Variants in RGS22 observed in about 807,000 individuals in gnomAD.
RGS22 encodes the protein regulator of G protein signaling 22, also known as regulator of G-protein signaling 22.
Under a neutral mutation model 172.9 loss-of-function variants are expected in RGS22, and 148 were observed. The ratio of observed to expected loss-of-function variants is 0.86; its 90% CI spans 0.75 to 0.98. RGS22 has a LOEUF of 0.98. Ranked by LOEUF, RGS22 falls within the 50% of genes least tolerant of loss-of-function variation. The pLI is 0.00. For missense variants in RGS22, 1,347 were observed against 1,440.8 expected, an observed-to-expected ratio of 0.93 and a Z score of 1.05; for synonymous variants, 458 against 480.2, an observed-to-expected ratio of 0.95 and a Z score of 0.60.
At chr8:100,041,946 T>C in intron 11 of RGS22, 30 bp from the exon 12 acceptor site, 1 of 1,425,046 alleles carries the variant, frequency 7.0e-7, no homozygotes, top group East Asian at 2.3e-5. Context: ...ACTAAAATTA[T>C]AAGAATGAGA....
chr8:100,098,985 G>T (rs1813254084), intron 2 of RGS22, among the ~76,000 whole-genome samples: 1 of 150,790 alleles, frequency 6.6e-6, no homozygotes, highest in Non-Finnish European at 1.5e-5. Context: ...GCAAAATCTT[G>T]GCTCACTGCA....
At chr8:99,965,883 T>C (rs1810677888) in intron 23 of RGS22, among the ~76,000 whole-genome samples, 2 of 152,200 alleles carry the variant, frequency 1.3e-5, no homozygotes, top group Admixed American at 1.3e-4. Flanking sequence ...TGAATAAATA[T>C]AAAGCTGGAA....
At chr8:100,039,511 G>C (rs933798758) in intron 13 of RGS22, among the ~76,000 whole-genome samples, 5 of 151,734 alleles carry the variant, frequency 3.3e-5, no homozygotes, top group African/African-American at 1.2e-4. Context: ...CGAGTAGCTG[G>C]GATTACAGGC....
At chr8:100,082,174 T>C (rs187777878) in intron 3 of RGS22, among the ~76,000 whole-genome samples, 93 of 152,364 alleles carry the variant, frequency 6.1e-4, no homozygotes, top group Admixed American at 3.5e-3. Flanking sequence ...GACTATTTAC[T>C]GAATGTCTAT....
At chr8:100,011,584 A>T (rs963905688) in intron 14 of RGS22, among the ~76,000 whole-genome samples, 5 of 152,200 alleles carry the variant, frequency 3.3e-5, no homozygotes, top group African/African-American at 9.7e-5. Flanking sequence ...TGATGAGGAG[A>T]CAAGGATTAT....
At chr8:100,003,355 C>T (rs1159653326) in intron 17 of RGS22, among the ~76,000 whole-genome samples, 3 of 151,640 alleles carry the variant, frequency 2.0e-5, no homozygotes, top group Non-Finnish European at 2.9e-5. Context: ...ATCCTCATTA[C>T]AATGAAGGGA....
chr8:100,105,730 C>G, intron 1 of RGS22, 167 bp downstream of exon 1: 1 of 589,930 alleles, frequency 1.7e-6, no homozygotes, highest in Non-Finnish European at 2.9e-6. Flanking sequence ...CCGGCGAGGA[C>G]GTGAAATTCG....
intron 26 of RGS22, 24 bp from the exon 27 acceptor site, chr8:99,962,467 G>T: frequency 6.2e-7 from 1 of 1,610,516 alleles, no homozygotes; most frequent in Non-Finnish European, 8.5e-7. Context: ...GAAGTTTTAT[G>T]TATATATTTA....
chr8:100,077,083 T>G lies in RGS22; in HGVS notation c.339+3051A>C, dbSNP rs149349082. ...GTAAAATTCTCTTATTTTTTTTAAC[T>G]GCCTGTAAAATTTGTAATGACATCC... On this transcript the variant is annotated intron_variant, in intron 4 of 27. Coordinates refer to ENST00000360863, the MANE Select transcript of RGS22 (RefSeq NM_015668.5). 5.2e-3 allele frequency among the ~76,000 whole-genome samples: 793 copies of G among 152,322 alleles called. 6 individuals are homozygous for G. Among genetic ancestry groups the G allele is most frequent in the African/African-American group, 0.017 (726 of 41,580 alleles).
intron 27 of RGS22, among the ~76,000 whole-genome samples, chr8:99,962,127 G>A (rs530665669): frequency 1.3e-5 from 2 of 151,716 alleles, no homozygotes; most frequent in South Asian, 4.2e-4. Flanking sequence ...TGGGAAAACT[G>A]AGCCATAGCC....
At chr8:100,078,439 T>C (rs1359752835) in intron 4 of RGS22, among the ~76,000 whole-genome samples, 1 of 150,476 alleles carries the variant, frequency 6.6e-6, no homozygotes, top group Admixed American at 6.6e-5. Context: ...TAATCATATA[T>C]ATTATATGAT....
At chr8:100,020,136 G>A (rs111809667) in intron 14 of RGS22, among the ~76,000 whole-genome samples, 5 of 151,964 alleles carry the variant, frequency 3.3e-5, no homozygotes, top group African/African-American at 9.6e-5. Flanking sequence ...CACCCGCCTC[G>A]GCCTCCCAAA....
At chr8:99,961,520 T>A (rs974477007) in intron 27 of RGS22, among the ~76,000 whole-genome samples, 3 of 152,212 alleles carry the variant, frequency 2.0e-5, no homozygotes, top group African/African-American at 7.2e-5. Context: ...AAGAAGGACA[T>A]GTTTGCTTCC....
intron 9 of RGS22, among the ~76,000 whole-genome samples, chr8:100,061,654 C>T (rs957774477): frequency 2.6e-5 from 4 of 152,078 alleles, no homozygotes; most frequent in African/African-American, 7.2e-5. Context: ...ATAACAGATG[C>T]TGATGAGGTT....
chr8:99,972,562 ACAAG>A (rs1456310135), intron 23 of RGS22, among the ~76,000 whole-genome samples: 1 of 152,218 alleles, frequency 6.6e-6, no homozygotes, highest in Non-Finnish European at 1.5e-5. Context: ...CAGGGAAAAA[ACAAG>A]CAATCCCATC....
chr8:100,072,122 A>G (rs778045756), intron 5 of RGS22, 23 bp downstream of exon 5: 11 of 1,383,978 alleles, frequency 7.9e-6, no homozygotes, highest in Non-Finnish European at 1.1e-5. Context: ...TTAAAAATAC[A>G]TATATTGATG....
intron 9 of RGS22, among the ~76,000 whole-genome samples, chr8:100,055,086 C>T (rs1008939354): frequency 5.9e-5 from 9 of 152,136 alleles, no homozygotes; most frequent in African/African-American, 2.2e-4. Flanking sequence ...AACTTGCCAC[C>T]CTGAAGGGAA....
In RGS22 at chr8:100,005,389, A is replaced by T. The variant is rs78368019; in HGVS notation, c.2454+628T>A. On this transcript the variant is annotated intron_variant, in intron 16 of 27. Transcript: ENST00000360863. ...CATACCATACCAGTTTTTCTGTTCC[A>T]AAAATTTTAATATATCTTAAACACT... Among the ~76,000 whole-genome samples, 948 of 152,254 alleles carry T rather than the reference A, an allele frequency of 6.2e-3. 5 individuals carry two copies. Among genetic ancestry groups the T allele is most frequent in the Middle Eastern group, 0.034 (10 of 294 alleles).
intron 14 of RGS22, among the ~76,000 whole-genome samples, chr8:100,012,794 C>T (rs1816527296): frequency 6.6e-6 from 1 of 152,044 alleles, no homozygotes. Context: ...AAATTACTTA[C>T]ATTAAAAATC....
Sources: gnomAD v4.1 joint callset for allele counts (sites outside exome capture counted in the v4.1 genomes callset) on GRCh38, gnomAD v4.1.1 for gene constraint, MANE v1.5 for transcripts, NCBI Gene and HGNC (gene_info 2026-07-23, HGNC 2026-07-21) for gene names.